PRKCE: variants seen among roughly 807,000 people sequenced by gnomAD.
The protein encoded by PRKCE is protein kinase C epsilon, also known as protein kinase C epsilon type.
In PRKCE, 16 loss-of-function variants were observed where a neutral mutation model predicts 85.4. The observed-to-expected ratio is 0.19, with a 90% CI of 0.13 to 0.28. PRKCE has a LOEUF of 0.28. PRKCE is among the 10% of genes least tolerant of loss of function. PRKCE has a pLI of 1.00. For synonymous variants in PRKCE, 388 were observed against 371.5 expected, an observed-to-expected ratio of 1.04 and a Z score of -0.51; for missense variants, 573 against 975.2, an observed-to-expected ratio of 0.59 and a Z score of 5.49.
At chr2:45,978,914 T>G (rs1200789958) in intron 3 of PRKCE, 62 bp from the exon 4 acceptor site, 1 of 1,527,242 alleles carries the variant, frequency 6.5e-7, no homozygotes, top group African/African-American at 1.4e-5. Flanking sequence ...GTGGTTTTTC[T>G]GTTTGTTTTT....
At chr2:45,830,803 A>T (rs1291279582) in intron 1 of PRKCE, among the ~76,000 whole-genome samples, 1 of 152,218 alleles carries the variant, frequency 6.6e-6, no homozygotes, top group African/African-American at 2.4e-5. Flanking sequence ...AAGTTCTGAT[A>T]GATTATGATC....
intron 6 of PRKCE, among the ~76,000 whole-genome samples, chr2:45,998,826 G>A (rs2595218): frequency 0.37 from 56,734 of 151,918 alleles, 10,869 homozygotes; most frequent in East Asian, 0.53. Context: ...CTTTCTTAGC[G>A]TATCATTTAT....
chr2:45,966,241 T>C (rs1275445020), intron 2 of PRKCE, among the ~76,000 whole-genome samples: 2 of 152,220 alleles, frequency 1.3e-5, no homozygotes, highest in Admixed American at 6.5e-5. Context: ...GAATATGTAA[T>C]GTTGATACTT....
chr2:45,841,003 C>A (rs1691301515), intron 1 of PRKCE, among the ~76,000 whole-genome samples: 1 of 152,162 alleles, frequency 6.6e-6, no homozygotes, highest in Non-Finnish European at 1.5e-5. Flanking sequence ...GTTCTGAACA[C>A]AGAGCCTTTT....
At chr2:45,954,137 G>T (rs1418822481) in intron 2 of PRKCE, among the ~76,000 whole-genome samples, 1 of 152,174 alleles carries the variant, frequency 6.6e-6, no homozygotes, top group African/African-American at 2.4e-5. Flanking sequence ...TTTGAAGGTG[G>T]CCTTAGGTGC....
At chr2:45,834,019 A>T (rs1195651524) in intron 1 of PRKCE, among the ~76,000 whole-genome samples, 1 of 152,236 alleles carries the variant, frequency 6.6e-6, no homozygotes, top group Non-Finnish European at 1.5e-5. Flanking sequence ...GCATTTATGT[A>T]TACATAGAGT....
chr2:45,698,615 G>A (rs1262979727), intron 1 of PRKCE, among the ~76,000 whole-genome samples: 1 of 152,018 alleles, frequency 6.6e-6, no homozygotes, highest in African/African-American at 2.4e-5. Context: ...GGAAAGAGAG[G>A]AAGAGAGGGG....
At chr2:45,851,693 C>G (rs1278041458) in intron 2 of PRKCE, 3 of 152,186 alleles carry the variant, frequency 2.0e-5, no homozygotes, top group Non-Finnish European at 4.4e-5. Context: ...CACAGAGTGA[C>G]TTGCCCATGG....
chr2:45,737,277 AG>A (rs1682151563), intron 1 of PRKCE, among the ~76,000 whole-genome samples: 1 of 152,218 alleles, frequency 6.6e-6, no homozygotes, highest in Non-Finnish European at 1.5e-5. Context: ...GCTCACTTAC[AG>A]ATTCCTCTCA....
At position 45,990,070 on chromosome 2, in the gene PRKCE, C is replaced by G. The variant is rs114958487; in HGVS notation, c.823+5390C>G. 9.6e-3 allele frequency among the ~76,000 whole-genome samples: 1,459 copies of G among 152,274 alleles called. 12 individuals are homozygous for G. Among genetic ancestry groups the G allele is most frequent in the Non-Finnish European group, 0.015 (1,029 of 68,020 alleles). ...CCAGGACATAGTGGTGTAAAACAACCAATACTTATTTTCTCAGAGTTTCCG... is the reference window on the plus strand; with the variant it reads ...CCAGGACATAGTGGTGTAAAACAACGAATACTTATTTTCTCAGAGTTTCCG... On this transcript the variant is annotated intron_variant, in intron 6 of 14. Coordinates refer to ENST00000306156, the MANE Select transcript of PRKCE (RefSeq NM_005400.3).
At chr2:46,137,014 T>C (rs905912265) in intron 11 of PRKCE, among the ~76,000 whole-genome samples, 4 of 152,246 alleles carry the variant, frequency 2.6e-5, no homozygotes, top group Non-Finnish European at 5.9e-5. Context: ...ATTTAGTGAC[T>C]TGCACTGGCA....
At chr2:45,710,916 G>A (rs1247235907) in intron 1 of PRKCE, among the ~76,000 whole-genome samples, 6 of 152,198 alleles carry the variant, frequency 3.9e-5, no homozygotes, top group African/African-American at 2.4e-5. Context: ...GAGAGAGGGG[G>A]GACCTTGCCT....
Position 45,661,532 on chromosome 2 carries a change from T to TG in PRKCE, c.348+9084_348+9085insG, listed in dbSNP as rs1164547664. ...TTTTGTTTTGTTTTTTGTTTTTTGT[T>TG]TTTTTTTTTTTTTTTAGAAGGAGTC... On this transcript the variant is annotated intron_variant, in intron 1 of 14. Coordinates refer to ENST00000306156, the MANE Select transcript of PRKCE (RefSeq NM_005400.3). 2.3e-4 allele frequency among the ~76,000 whole-genome samples: 29 copies of TG among 126,108 alleles called. 2 individuals carry two copies. Among genetic ancestry groups the TG allele is most frequent in the East Asian group, 4.5e-4 (2 of 4,478 alleles). The allele number at this position is 126,108 out of a possible 152,430, so 82.7% of individuals were successfully genotyped here. A position where few individuals can be genotyped will look rare whatever the true frequency, so the allele number is the denominator to read the frequency against.
intron 1 of PRKCE, among the ~76,000 whole-genome samples, chr2:45,790,956 G>T (rs531047605): frequency 6.6e-6 from 1 of 152,198 alleles, no homozygotes; most frequent in African/African-American, 2.4e-5. Flanking sequence ...CTAGAAAGGC[G>T]TGTAGGCCTC....
chr2:45,688,068 G>A (rs909656282), intron 1 of PRKCE, among the ~76,000 whole-genome samples: 1 of 152,166 alleles, frequency 6.6e-6, no homozygotes, highest in African/African-American at 2.4e-5. Context: ...CCATTTTCTT[G>A]ACACCCAGCA....
At chr2:45,730,751 T>A (rs1422587205) in intron 1 of PRKCE, among the ~76,000 whole-genome samples, 2 of 152,140 alleles carry the variant, frequency 1.3e-5, no homozygotes, top group African/African-American at 4.8e-5. Context: ...TGAGCTACCA[T>A]GCCTGGCAAG....
intron 2 of PRKCE, among the ~76,000 whole-genome samples, chr2:45,883,733 C>T (rs554961254): frequency 2.0e-5 from 3 of 152,324 alleles, no homozygotes; most frequent in South Asian, 2.1e-4. Context: ...TCCTCCCCGC[C>T]TGTCATGCTG....
chr2:45,916,040 G>C (rs150244463), intron 2 of PRKCE, among the ~76,000 whole-genome samples: 2 of 152,230 alleles, frequency 1.3e-5, no homozygotes, highest in East Asian at 3.9e-4. Context: ...GGAGAGTTTA[G>C]GATGGCTCTA....
intron 1 of PRKCE, among the ~76,000 whole-genome samples, chr2:45,811,707 G>A (rs1050514396): frequency 6.6e-6 from 1 of 152,156 alleles, no homozygotes; most frequent in Non-Finnish European, 1.5e-5. Context: ...CCAATTATGG[G>A]GAGAAGTGGG....
Sources: gnomAD v4.1 joint callset for allele counts (sites outside exome capture counted in the v4.1 genomes callset) on GRCh38, gnomAD v4.1.1 for gene constraint, MANE v1.5 for transcripts, NCBI Gene and HGNC (gene_info 2026-07-23, HGNC 2026-07-21) for gene names.